Variants in TXLNB observed in about 807,000 individuals in gnomAD.
The protein encoded by TXLNB is beta-taxilin.
TXLNB carries 37 observed loss-of-function variants against 57.4 expected under a neutral mutation model. The observed-to-expected ratio is 0.64, with a 90% CI of 0.50 to 0.85. The LOEUF (loss-of-function observed/expected upper bound fraction) is 0.85, where lower values mean the gene tolerates loss of function less well. Ranked by LOEUF, TXLNB falls within the 40% of genes least tolerant of loss-of-function variation. The pLI, the probability that TXLNB is intolerant of heterozygous loss-of-function variation, is 0.00. For missense variants in TXLNB, 848 were observed against 825.6 expected (o/e 1.03, Z -0.33); for synonymous variants, 302 against 309.6 (o/e 0.98, Z 0.26).
intron 8 of TXLNB, chr6:139,245,307 A>G (rs1776042992): frequency 6.6e-6 from 1 of 152,450 alleles, no homozygotes; most frequent in Non-Finnish European, 1.5e-5. Context: ...AGGTGAATTA[A>G]CAGAACAGTG....
At chr6:139,166,170 G>C in the TXLNB span, 3 of 826,826 alleles carry the variant, frequency 3.6e-6, no homozygotes, top group Non-Finnish European at 5.8e-6. Context: ...CCCTGGAACT[G>C]CCTTTCATTA....
At chr6:139,257,627 ATCTGGCTAGTCAG>A (rs1218789280) in intron 6 of TXLNB, among the ~76,000 whole-genome samples, 5 of 152,162 alleles carry the variant, frequency 3.3e-5, no homozygotes, top group Admixed American at 3.3e-4. Context: ...GCAGAGATCA[ATCTGGCTAGTCAG>A]TCTGGAGGCT....
At chr6:139,175,553 T>C in the TXLNB span, among the ~76,000 whole-genome samples, 3 of 152,290 alleles carry the variant, frequency 2.0e-5, no homozygotes, top group South Asian at 2.1e-4. Context: ...ATCTTTTAAA[T>C]TGAAGAAATA....
At chr6:139,278,802 A>G (rs967862134) in intron 2 of TXLNB, among the ~76,000 whole-genome samples, 6 of 152,148 alleles carry the variant, frequency 3.9e-5, no homozygotes, top group East Asian at 1.9e-4. Flanking sequence ...TCAGGAGATC[A>G]AGACCATCCT....
the TXLNB span, among the ~76,000 whole-genome samples, chr6:139,319,386 C>T: frequency 8.0e-4 from 122 of 151,712 alleles, no homozygotes; most frequent in Middle Eastern, 3.4e-3. Flanking sequence ...AGGTGTGAGC[C>T]ACTGCACCCA....
chr6:139,260,438 C>T lies in TXLNB; in HGVS notation c.883-1G>A. 6.2e-7 allele frequency: 1 copy of T among 1,612,556 alleles called. No individual in the cohort carries two copies. The highest frequency in any genetic ancestry group is 8.5e-7 in the Non-Finnish European group (1 of 1,179,642). ...TGTGTTTAAATATTTTGTCCAGATG[C>T]TAAGAAAAATAAAGTGTACATAGAA... On this transcript the variant is annotated splice_acceptor_variant, in intron 5 of 9. Coordinates refer to ENST00000358430, the MANE Select transcript of TXLNB (RefSeq NM_153235.4). LOFTEE classifies it high-confidence loss of function.
the TXLNB span, among the ~76,000 whole-genome samples, chr6:139,232,379 T>C: frequency 6.6e-6 from 1 of 152,196 alleles, no homozygotes; most frequent in Non-Finnish European, 1.5e-5. Context: ...GGGATTACAA[T>C]TCAAGATGAG....
chr6:139,315,272 CCTAATTGCT>C, the TXLNB span, among the ~76,000 whole-genome samples: 4 of 152,282 alleles, frequency 2.6e-5, no homozygotes, highest in South Asian at 2.1e-4. Context: ...AACTCTGATC[CCTAATTGCT>C]CAGGGAGACT....
the TXLNB span, among the ~76,000 whole-genome samples, chr6:139,216,528 C>T: frequency 7.3e-5 from 11 of 150,558 alleles, no homozygotes; most frequent in Non-Finnish European, 1.2e-4. Context: ...TAATGCTAAA[C>T]GACGAATTAA....
the TXLNB span, chr6:139,197,566 C>T: frequency 1.3e-4 from 20 of 151,974 alleles, no homozygotes; most frequent in Admixed American, 3.3e-4. Flanking sequence ...ACTAAGACGA[C>T]GTAAATGTAA....
chr6:139,220,603 G>C, the TXLNB span, among the ~76,000 whole-genome samples: 2 of 152,150 alleles, frequency 1.3e-5, no homozygotes, highest in African/African-American at 4.8e-5. Context: ...CATATGTGCT[G>C]CCCCTTCCCC....
At chr6:139,283,118 G>A (rs1308153809) in intron 2 of TXLNB, 1 of 145,314 alleles carries the variant, frequency 6.9e-6, no homozygotes. Context: ...CAAGGGGAAA[G>A]TGACTTTACC....
the TXLNB span, chr6:139,166,663 G>A: frequency 6.2e-7 from 1 of 1,614,038 alleles, no homozygotes; most frequent in Non-Finnish European, 8.5e-7. Context: ...CTCCTGGTGA[G>A]GCGGCGGAGG....
chr6:139,302,764 A>T, the TXLNB span, among the ~76,000 whole-genome samples: 7 of 152,160 alleles, frequency 4.6e-5, no homozygotes, highest in African/African-American at 1.7e-4. Context: ...AGCTTGGGCA[A>T]CAAGAGTGAA....
At chr6:139,161,031 A>ATG in the TXLNB span, among the ~76,000 whole-genome samples, 11 of 151,988 alleles carry the variant, frequency 7.2e-5, no homozygotes, top group Admixed American at 3.9e-4. Context: ...AGTTTGGACA[A>ATG]TGTGTGTGTG....
intron 7 of TXLNB, chr6:139,255,356 C>T (rs547836944): frequency 3.8e-4 from 232 of 609,268 alleles, no homozygotes; most frequent in African/African-American, 3.6e-3. Flanking sequence ...ATGTTGCCGG[C>T]GCAGAACATT....
At chr6:139,230,909 C>A in the TXLNB span, among the ~76,000 whole-genome samples, 1 of 152,152 alleles carries the variant, frequency 6.6e-6, no homozygotes, top group African/African-American at 2.4e-5. Flanking sequence ...CTTTTCAGTT[C>A]CCAGCCCCAA....
the TXLNB span, among the ~76,000 whole-genome samples, chr6:139,319,254 C>A: frequency 6.6e-6 from 1 of 150,456 alleles, no homozygotes; most frequent in Non-Finnish European, 1.5e-5. Context: ...GTCTTTCTCC[C>A]TTTAAAATTT....
the TXLNB span, among the ~76,000 whole-genome samples, chr6:139,210,839 G>A: frequency 3.3e-5 from 5 of 152,222 alleles, no homozygotes; most frequent in African/African-American, 7.2e-5. Flanking sequence ...ATTATATCCC[G>A]CGCCTAGCTC....
Sources: gnomAD v4.1 joint callset for allele counts (sites outside exome capture counted in the v4.1 genomes callset) on GRCh38, gnomAD v4.1.1 for gene constraint, MANE v1.5 for transcripts, NCBI Gene and HGNC (gene_info 2026-07-23, HGNC 2026-07-21) for gene names.